Variants in NUP88 observed in about 807,000 individuals in gnomAD.
NUP88 encodes nucleoporin 88, also known as nuclear pore complex protein Nup88.
In NUP88, 57 loss-of-function variants were observed where a neutral mutation model predicts 93.9. The observed-to-expected ratio is 0.61, with a 90% CI of 0.49 to 0.76. The LOEUF is 0.76. Among genes scored for constraint, NUP88 ranks in the 30% least tolerant of loss-of-function variants. NUP88 has a pLI of 0.00. For missense variants in NUP88, 911 were observed against 901.0 expected, an observed-to-expected ratio of 1.01 and a Z score of -0.14; for synonymous variants, 346 against 336.8, an observed-to-expected ratio of 1.03 and a Z score of -0.30.
chr17:5,392,498 C>T (rs1912501668), intron 9 of NUP88, among the ~76,000 whole-genome samples: 2 of 152,138 alleles, frequency 1.3e-5, no homozygotes, highest in South Asian at 2.1e-4. Context: ...GACATGGAGA[C>T]GATATCTGGA....
Position 5,405,144 on chromosome 17 carries a change from A to G in NUP88, c.957T>C (p.Cys319=). ...YDACAVLCLP[C]VPNILVIATE... ...TAGCGATCACTAAGATATTGGGGAC[A>G]CAGGGTAAGCAGAGTACAGCACACG... Residue 319 remains cysteine, a synonymous_variant, in exon 6 of 17, where the codon TGT becomes TGC. Transcript: ENST00000573584. The G allele has an allele frequency of 1.2e-6, 2 of 1,614,216 alleles. No homozygotes were observed. The highest frequency in any genetic ancestry group is 2.7e-5 in the African/African-American group (2 of 75,054).
Position 5,386,759 on chromosome 17 carries a change from ATGG to A in NUP88, c.2108_2110del (p.Thr703del), listed in dbSNP as rs1448870684. Reference sequence around the variant, plus strand: ...CTTTCGCTGGTAGGCACTGAGAATAATGGTGGGTTTTGGAAGACTCAACACCTT... The same window carrying A: ...CTTTCGCTGGTAGGCACTGAGAATAATGGGTTTTGGAAGACTCAACACCTT... On this transcript the variant is annotated inframe_deletion, in exon 16 of 17. Transcript: ENST00000573584. 6.2e-7 allele frequency: 1 copy of A among 1,614,118 alleles called. No individual in the cohort carries two copies. Among genetic ancestry groups the A allele is most frequent in the Non-Finnish European group, 8.5e-7 (1 of 1,179,968 alleles).
At chr17:5,408,584 A>C in intron 5 of NUP88, 149 bp downstream of exon 5, 1 of 582,050 alleles carries the variant, frequency 1.7e-6, no homozygotes, top group Non-Finnish European at 3.0e-6. Context: ...GACCTGTACT[A>C]ACTCTTTCTC....
chr17:5,398,199 G>A (rs1310478681), intron 8 of NUP88, among the ~76,000 whole-genome samples: 3 of 152,144 alleles, frequency 2.0e-5, no homozygotes, highest in Admixed American at 1.3e-4. Context: ...CACTGCACCT[G>A]ACCGGTATTA....
chr17:5,416,158 A>AGTATATATATATATATAT (rs1398677145), intron 2 of NUP88, among the ~76,000 whole-genome samples: 11 of 94,014 alleles, frequency 1.2e-4, no homozygotes, highest in African/African-American at 2.9e-4. Context: ...AAAAAAAAAA[A>AGTATATATATATATATAT]AAAAAAAAGT....
At chr17:5,396,502 T>C (rs1315355957) in intron 8 of NUP88, among the ~76,000 whole-genome samples, 4 of 152,234 alleles carry the variant, frequency 2.6e-5, no homozygotes, top group Non-Finnish European at 5.9e-5. Flanking sequence ...CTCTGTTGTA[T>C]AGACACACCA....
chr17:5,410,736 T>C lies in NUP88; in HGVS notation c.647A>G (p.Glu216Gly), dbSNP rs1350892955. 3 of 1,612,258 alleles carry C rather than the reference T, an allele frequency of 1.9e-6. No individual in the cohort carries two copies. The highest frequency in any genetic ancestry group is 2.7e-5 in the African/African-American group (2 of 74,890). ...GAGTACTAGACTTTCCTCTTCGGCTTCTGAAAGTATTATCACGTTAGTGGG... is the reference window on the plus strand; with the variant it reads ...GAGTACTAGACTTTCCTCTTCGGCTCCTGAAAGTATTATCACGTTAGTGGG... ...QTPTNVIILS[E>G]AEEESLVLNK... is the part of the protein sequence containing the mutation. Residue 216 changes from glutamate to glycine, a missense_variant, in exon 4 of 17, where the codon GAA becomes GGA. By Grantham distance (98) the Glu-to-Gly change is moderately conservative. Coordinates refer to ENST00000573584, the MANE Select transcript of NUP88 (RefSeq NM_002532.6).
chr17:5,392,283 G>A (rs1912490580), intron 9 of NUP88, among the ~76,000 whole-genome samples: 1 of 152,174 alleles, frequency 6.6e-6, no homozygotes, highest in South Asian at 2.1e-4. Context: ...ACCATCAACT[G>A]TGTCGTTTCA....
chr17:5,398,196 C>T (rs951360089), intron 8 of NUP88, among the ~76,000 whole-genome samples: 3 of 152,158 alleles, frequency 2.0e-5, no homozygotes, highest in African/African-American at 4.8e-5. Flanking sequence ...GGCCACTGCA[C>T]CTGACCGGTA....
intron 5 of NUP88, 27 bp from the exon 6 acceptor site, chr17:5,405,270 G>A (rs373787983): frequency 1.2e-5 from 19 of 1,597,892 alleles, no homozygotes; most frequent in Non-Finnish European, 1.6e-5. Context: ...AACATATTTG[G>A]GAAATGTTGA....
intron 2 of NUP88, among the ~76,000 whole-genome samples, chr17:5,416,180 T>TATATACACACAC (rs1374990658): frequency 9.3e-6 from 1 of 107,338 alleles, no homozygotes; most frequent in South Asian, 3.4e-4. Flanking sequence ...TATATATATA[T>TATATACACACAC]ACACACATAC....
chr17:5,386,166 A>G lies in NUP88; in HGVS notation c.*40T>C. 6.7e-7 allele frequency: 1 copy of G among 1,502,846 alleles called. No individual in the cohort carries two copies. Among genetic ancestry groups the G allele is most frequent in the Non-Finnish European group, 9.2e-7 (1 of 1,091,300 alleles). 93.1% of individuals were successfully genotyped at this position (1,502,846 alleles called of 1,614,324 possible). A position where few individuals can be genotyped will look rare whatever the true frequency, so the allele number is the denominator to read the frequency against. Reference sequence around the variant, plus strand: ...TTTTACAATATGGGTTTAAGCCTTCAATGGTGTTCAGTTCAGGTGTGAGTC... The same window carrying G: ...TTTTACAATATGGGTTTAAGCCTTCGATGGTGTTCAGTTCAGGTGTGAGTC... On this transcript the variant is annotated 3_prime_UTR_variant, in exon 17 of 17. Transcript: ENST00000573584.
At chr17:5,408,212 T>C (rs973176614) in intron 5 of NUP88, among the ~76,000 whole-genome samples, 12 of 152,238 alleles carry the variant, frequency 7.9e-5, no homozygotes, top group Non-Finnish European at 1.8e-4. Context: ...TCACTCTTCC[T>C]TGATACTTCA....
chr17:5,389,588 G>T (rs181661546), intron 10 of NUP88, among the ~76,000 whole-genome samples: 1 of 151,850 alleles, frequency 6.6e-6, no homozygotes, highest in Non-Finnish European at 1.5e-5. Flanking sequence ...GACAAGCCTG[G>T]CCAACGTGGT....
chr17:5,410,877 TGAGA>T, intron 3 of NUP88, 88 bp from the exon 4 acceptor site: 1 of 826,084 alleles, frequency 1.2e-6, no homozygotes, highest in Non-Finnish European at 2.0e-6. Flanking sequence ...AGTCAGTTCT[TGAGA>T]ATTTTCTAAC....
At chr17:5,413,869 G>C (rs1379824891) in intron 3 of NUP88, 140 bp downstream of exon 3, 44 of 808,450 alleles carry the variant, frequency 5.4e-5, no homozygotes, top group Non-Finnish European at 7.9e-5. Context: ...TCTTATGATT[G>C]AGAATGGGTT....
At chr17:5,403,982 C>T (rs995770741) in intron 7 of NUP88, 117 bp downstream of exon 7, 1 of 1,061,200 alleles carries the variant, frequency 9.4e-7, no homozygotes, top group African/African-American at 1.6e-5. Context: ...TAAAAAAAAC[C>T]CAGTCAACTT....
rs138885962 is a variant in NUP88, at chr17:5,414,105, G to A, written c.497C>T (p.Thr166Ile). ...CTTTAGAGTCAGAGAGGTGGAACTG[G>A]TGAAAAATCTCTCCGCAACTGGAGT... ...STTPVAERFF[T>I]SSTSLTLKHA... The change falls in exon 3 of 17, where the codon ACC becomes ATC. Residue 166 changes from threonine (T) to isoleucine (I), a missense_variant. Physicochemically the swap from Thr to Ile is moderately conservative, Grantham distance 89. Transcript: ENST00000573584. 27 of 1,613,520 alleles carry A rather than the reference G, an allele frequency of 1.7e-5. No homozygotes were observed. Among genetic ancestry groups the A allele is most frequent in the Non-Finnish European group, 2.3e-5 (27 of 1,179,596 alleles).
At chr17:5,412,963 C>A (rs945832019) in intron 3 of NUP88, among the ~76,000 whole-genome samples, 1 of 152,142 alleles carries the variant, frequency 6.6e-6, no homozygotes, top group African/African-American at 2.4e-5. Flanking sequence ...TCTGATCCCA[C>A]AAAACACAGG....
Sources: allele counts gnomAD v4.1 joint callset (sites outside exome capture counted in the v4.1 genomes callset), GRCh38; gene constraint gnomAD v4.1.1; transcripts MANE v1.5; gene names NCBI Gene and HGNC (gene_info 2026-07-23, HGNC 2026-07-21).